Variants in MORN1 observed in about 807,000 individuals in gnomAD.
The protein encoded by MORN1 is MORN repeat-containing protein 1.
MORN1 carries 67 observed loss-of-function variants against 61.9 expected under a neutral mutation model. The ratio of observed to expected loss-of-function variants is 1.08; its 90% CI spans 0.89 to 1.33. The LOEUF is 1.33. MORN1 is among the 40% of genes most tolerant of loss of function. The probability of loss-of-function intolerance (pLI) is 0.00; values close to 1 mark genes in which losing one functional copy is unlikely to be tolerated. For missense variants in MORN1, 752 were observed against 691.2 expected (o/e 1.09, Z -0.99); for synonymous variants, 301 against 292.0 (o/e 1.03, Z -0.31).
chr1:2,332,426 G>C, intron 12 of MORN1: 1 of 358,964 alleles, frequency 2.8e-6, no homozygotes, highest in South Asian at 2.1e-5. Context: ...CCACACTCAG[G>C]TTCTTCCAGT....
intron 8 of MORN1, among the ~76,000 whole-genome samples, chr1:2,359,140 G>C (rs896448710): frequency 6.6e-6 from 1 of 152,156 alleles, no homozygotes; most frequent in South Asian, 2.1e-4. Flanking sequence ...CTGGTCAGGG[G>C]CGTGGGGTGG....
At chr1:2,371,049 A>AAAT (rs1642108884) in intron 8 of MORN1, 1 of 152,004 alleles carries the variant, frequency 6.6e-6, no homozygotes, top group African/African-American at 2.4e-5. Flanking sequence ...ACTAAAAAAA[A>AAAT]ATACAAGAAA....
chr1:2,325,140 C>CTTTCTTCCT (rs371807562), intron 12 of MORN1, among the ~76,000 whole-genome samples: 1 of 6,692 alleles, frequency 1.5e-4, no homozygotes. Flanking sequence ...CCTTCCCTCC[C>CTTTCTTCCT]TCCCTCCCTT....
intron 2 of MORN1, among the ~76,000 whole-genome samples, chr1:2,389,627 T>A (rs1395097606): frequency 2.0e-5 from 3 of 152,248 alleles, no homozygotes; most frequent in Non-Finnish European, 4.4e-5. Context: ...GTTCTCTTTA[T>A]AATAGGAAAT....
At chr1:2,324,940 G>A (rs1420535655) in intron 12 of MORN1, among the ~76,000 whole-genome samples, 6 of 150,024 alleles carry the variant, frequency 4.0e-5, no homozygotes. Flanking sequence ...CCATGGCCCT[G>A]GCGGGGAGGA....
At chr1:2,378,272 C>G (rs1157673390) in intron 6 of MORN1, 2 of 152,672 alleles carry the variant, frequency 1.3e-5, no homozygotes, top group African/African-American at 2.4e-5. Flanking sequence ...GGGGGGTCCA[C>G]ATGAGGCAAG....
At chr1:2,339,472 G>A (rs1224252883) in intron 10 of MORN1, among the ~76,000 whole-genome samples, 1 of 152,198 alleles carries the variant, frequency 6.6e-6, no homozygotes, top group Admixed American at 6.5e-5. Context: ...CACCGCACCC[G>A]CCAGGTGCTC....
In MORN1 at chr1:2,389,055, T is replaced by C. The variant is rs576831533; in HGVS notation, c.149-718A>G. Reference sequence around the variant, plus strand: ...TGAACCTGGGAGCCGGAGGTTGCAGTGAGCCGAGATGGCAGCATTGCACTC... The same window carrying C: ...TGAACCTGGGAGCCGGAGGTTGCAGCGAGCCGAGATGGCAGCATTGCACTC... On this transcript the variant is annotated intron_variant, in intron 2 of 13. Transcript: ENST00000378531. 5.9e-3 allele frequency among the ~76,000 whole-genome samples: 825 copies of C among 140,666 alleles called. 6 individuals are homozygous for C. The highest frequency in any genetic ancestry group is 0.021 in the African/African-American group (790 of 37,338). 92.3% of individuals were successfully genotyped at this position (140,666 alleles called of 152,430 possible).
chr1:2,339,110 C>T (rs535826530), intron 10 of MORN1, among the ~76,000 whole-genome samples: 7 of 152,286 alleles, frequency 4.6e-5, no homozygotes, highest in Admixed American at 3.9e-4. Context: ...GGAGGCCCTC[C>T]GGGTTGGCCA....
At chr1:2,371,908 CAAAAA>C in intron 8 of MORN1, 12 of 107,558 alleles carry the variant, frequency 1.1e-4, no homozygotes, top group South Asian at 6.6e-4. Context: ...AACTCCATCT[CAAAAA>C]AAAAAAAAAA....
At chr1:2,344,921 G>A (rs1024241416) in intron 10 of MORN1, among the ~76,000 whole-genome samples, 7 of 152,230 alleles carry the variant, frequency 4.6e-5, no homozygotes, top group African/African-American at 1.4e-4. Context: ...CAAAGACAGC[G>A]TCAGCCCCCG....
chr1:2,342,678 G>C (rs1182499024), intron 10 of MORN1, among the ~76,000 whole-genome samples: 1 of 151,850 alleles, frequency 6.6e-6, no homozygotes, highest in Non-Finnish European at 1.5e-5. Context: ...CGCAGACATG[G>C]CTCTGCTGAC....
chr1:2,356,074 G>C (rs1641761423), intron 10 of MORN1, among the ~76,000 whole-genome samples: 1 of 152,218 alleles, frequency 6.6e-6, no homozygotes, highest in Non-Finnish European at 1.5e-5. Flanking sequence ...GCCAGGTCGG[G>C]GGATTGTGAG....
chr1:2,356,837 A>G (rs1236084275), intron 10 of MORN1, among the ~76,000 whole-genome samples: 1 of 152,162 alleles, frequency 6.6e-6, no homozygotes, highest in African/African-American at 2.4e-5. Context: ...GTAACTCTGG[A>G]ATGATCCCTG....
At chr1:2,359,159 C>G (rs536302387) in intron 8 of MORN1, among the ~76,000 whole-genome samples, 1 of 152,302 alleles carries the variant, frequency 6.6e-6, no homozygotes, top group Non-Finnish European at 1.5e-5. Flanking sequence ...GGCACTGGCA[C>G]TCACAAGCTC....
intron 12 of MORN1, chr1:2,332,489 G>GAA: frequency 2.5e-6 from 1 of 396,630 alleles, no homozygotes; most frequent in Non-Finnish European, 5.1e-6. Context: ...TGTCCCCCTC[G>GAA]GCAGTTCTGT....
rs1557887194 is a variant in MORN1 at position 2,372,923 on chromosome 1, T to C, written c.635-332A>G. Among the ~76,000 whole-genome samples the C allele has an allele frequency of 1.3e-5, 2 of 152,244 alleles. No homozygotes were observed. Among genetic ancestry groups the C allele is most frequent in the East Asian group, 3.8e-4 (2 of 5,204 alleles). ...CCTGCCCGTGGAATGTTCCCGCACG[T>C]CTTCCCGCTGGTCGGGATTTAGGCC... On this transcript the variant is annotated intron_variant, in intron 7 of 13. Transcript: ENST00000378531. This position sits in a 1 kb window ranked among gnomAD's most constrained non-coding sequence, Gnocchi z 5.4.
At chr1:2,382,950 G>C (rs1377704235) in intron 6 of MORN1, among the ~76,000 whole-genome samples, 2 of 152,110 alleles carry the variant, frequency 1.3e-5, no homozygotes, top group South Asian at 4.1e-4. Context: ...ATGCGGAGGG[G>C]AGCCACACTG....
chr1:2,343,171 T>C (rs1641439267), intron 10 of MORN1, among the ~76,000 whole-genome samples: 1 of 152,078 alleles, frequency 6.6e-6, no homozygotes, highest in African/African-American at 2.4e-5. Flanking sequence ...TGGCTGCTCC[T>C]GCGTATTTGG....
Sources: gnomAD v4.1 joint callset for allele counts (sites outside exome capture counted in the v4.1 genomes callset) on GRCh38, gnomAD v4.1.1 for gene constraint, Gnocchi (gnomAD v3.1) non-coding constraint, MANE v1.5 for transcripts, NCBI Gene and HGNC (gene_info 2026-07-23, HGNC 2026-07-21) for gene names.